The following HMCN2 variants were observed in gnomAD, a reference collection of about 807,000 sequenced individuals.
HMCN2 encodes hemicentin-2.
HMCN2 carries 325 observed loss-of-function variants against 377.5 expected under a neutral mutation model. The ratio of observed to expected loss-of-function variants is 0.86; its 90% CI spans 0.79 to 0.94. HMCN2 has a LOEUF of 0.94. Ranked by LOEUF, HMCN2 falls within the 40% of genes least tolerant of loss-of-function variation. The pLI, the probability that HMCN2 is intolerant of heterozygous loss-of-function variation, is 0.00. For missense variants in HMCN2, 4,543 were observed against 4,725.3 expected, an observed-to-expected ratio of 0.96 and a Z score of 1.13; for synonymous variants, 2,007 against 2,046.8, an observed-to-expected ratio of 0.98 and a Z score of 0.53.
chr9:130,361,980 T>C lies in HMCN2; in HGVS notation c.5951-28T>C. On this transcript the variant is annotated intron_variant, in intron 38 of 97. Coordinates refer to ENST00000683500, the MANE Select transcript of HMCN2 (RefSeq NM_001291815.2). The surrounding 1 kb of genome is among the most constrained non-coding windows in gnomAD (Gnocchi z 4.8). ...TGCTTTGCCCCAGTGGGGCTCAGCC[T>C]GTACCCCATGTCACCCCTGCCCTGC... 1 of 985,956 alleles carries C rather than the reference T, an allele frequency of 1.0e-6. No homozygotes were observed. Among genetic ancestry groups the C allele is most frequent in the Non-Finnish European group, 1.2e-6 (1 of 829,988 alleles). 61.1% of individuals were successfully genotyped at this position (985,956 alleles called of 1,614,324 possible).
Position 130,341,871 on chromosome 9 carries a change from T to A in HMCN2, c.3743-479T>A, listed in dbSNP as rs1350295419. 4.6e-5 allele frequency among the ~76,000 whole-genome samples: 7 copies of A among 152,124 alleles called. No homozygotes were observed. In the East Asian group the frequency reaches 1.4e-3, roughly 29 times the overall value. ...ATCAGTGGTGCTAGCAGTTTCACTATTAGGAATTTAAAACAAGCTTGGGGC... is the reference window on the plus strand; with the variant it reads ...ATCAGTGGTGCTAGCAGTTTCACTAATAGGAATTTAAAACAAGCTTGGGGC... On this transcript the variant is annotated intron_variant, in intron 24 of 97. Coordinates refer to ENST00000683500, the MANE Select transcript of HMCN2 (RefSeq NM_001291815.2).
In HMCN2 at chr9:130,394,904, T is replaced by G; in HGVS notation, c.10693-123T>G. On this transcript the variant is annotated intron_variant, in intron 69 of 97. Transcript: ENST00000683500. The surrounding 1 kb of genome is among the most constrained non-coding windows in gnomAD (Gnocchi z 5.1). ...GAGAGGGCGTGGGTTGGCTGGGAGG[T>G]GGATGGCAGACCTCGCAGGGCTGAG... 2 of 531,658 alleles carry G rather than the reference T, an allele frequency of 3.8e-6. No individual in the cohort carries two copies. The highest frequency in any genetic ancestry group is 6.0e-6 in the Non-Finnish European group (2 of 333,158). 32.9% of individuals were successfully genotyped at this position (531,658 alleles called of 1,614,324 possible). A position where few individuals can be genotyped will look rare whatever the true frequency, so the allele number is the denominator to read the frequency against.
Position 130,369,685 on chromosome 9 carries a change from G to T in HMCN2, c.6903G>T (p.Trp2301Cys). The change falls in exon 45 of 98, where the codon TGG becomes TGT. Residue 2301 changes from tryptophan to cysteine, a missense_variant. Transcript: ENST00000683500. This position sits in a 1 kb window ranked among gnomAD's most constrained non-coding sequence, Gnocchi z 4.5. ...GGAAACCCCCTCCGACAGTGACATG[G>T]GAGCGGGACGGCCAGCCCGTGGGGG... is the stretch of plus-strand genomic sequence containing the variant. ...ATGKPPPTVT[W>C]ERDGQPVGAE... is the part of the protein sequence containing the mutation. 1 of 985,998 alleles carries T rather than the reference G, an allele frequency of 1.0e-6. No homozygotes were observed. Among genetic ancestry groups the T allele is most frequent in the Non-Finnish European group, 1.2e-6 (1 of 830,036 alleles). The allele number at this position is 985,998 out of a possible 1,614,324, so 61.1% of individuals were successfully genotyped here.
In HMCN2 at chr9:130,325,867, C is replaced by T. The variant is rs1288372135; in HGVS notation, c.3090C>T (p.Thr1030=). 2 of 152,324 alleles carry T rather than the reference C, an allele frequency of 1.3e-5. No individual in the cohort carries two copies. Among genetic ancestry groups the T allele is most frequent in the Non-Finnish European group, 2.9e-5 (2 of 68,090 alleles). The allele number at this position is 152,324 out of a possible 1,614,324, so 9.4% of individuals were successfully genotyped here. A position where few individuals can be genotyped will look rare whatever the true frequency, so the allele number is the denominator to read the frequency against. Residue 1030 remains threonine (T), a synonymous_variant, in exon 21 of 98, where the codon ACC becomes ACT. Transcript: ENST00000683500. ...ACTACAATGTGAGTAAGGAGGGCAC[C>T]CTGCTCATCGCCCAGCCGTCTGCCC... ...GPHYNVSKEG[T]LLIAQPSAQD...
chr9:130,299,673 A>G (rs1435412677), intron 8 of HMCN2, among the ~76,000 whole-genome samples: 2 of 149,994 alleles, frequency 1.3e-5, no homozygotes, highest in African/African-American at 4.9e-5. Context: ...CCACCCACCC[A>G]TTCATGCATC....
intron 48 of HMCN2, among the ~76,000 whole-genome samples, chr9:130,373,610 TG>T (rs1841175041): frequency 2.3e-4 from 2 of 8,880 alleles, no homozygotes; most frequent in African/African-American, 6.8e-4. Flanking sequence ...GGTGGGTGGA[TG>T]GATGGATGGA....
At chr9:130,433,294 A>G in intron 97 of HMCN2, 54 bp from the exon 98 acceptor site, 1 of 1,347,288 alleles carries the variant, frequency 7.4e-7, no homozygotes. Context: ...CGGATGGGCC[A>G]CGCTCCGACC....
rs1433244196 is a variant in HMCN2, at chr9:130,302,904, C to G, written c.1324C>G (p.Gln442Glu). 5 of 470,534 alleles carry G rather than the reference C, an allele frequency of 1.1e-5. No individual in the cohort carries two copies. Among genetic ancestry groups the G allele is most frequent in the Admixed American group, 9.4e-5 (4 of 42,558 alleles). The allele number at this position is 470,534 out of a possible 1,614,324, so 29.1% of individuals were successfully genotyped here. The part of the protein sequence containing the change: ...MAPRIHGYLH[Q>E]PLLVSCSVHS... Reference sequence around the variant, plus strand: ...CCCCAGGATCCATGGCTACCTGCACCAGCCCCTGCTGGTCTCCTGCTCGGT... The same window carrying G: ...CCCCAGGATCCATGGCTACCTGCACGAGCCCCTGCTGGTCTCCTGCTCGGT... Residue 442 changes from glutamine (Q) to glutamate (E), a missense_variant, in exon 9 of 98, where the codon CAG becomes GAG. Transcript: ENST00000683500.
chr9:130,343,615 C>T (rs1055076832), intron 25 of HMCN2, among the ~76,000 whole-genome samples: 2 of 152,132 alleles, frequency 1.3e-5, no homozygotes, highest in Admixed American at 1.3e-4. Context: ...AGCCGTTCTG[C>T]GCTTTTGGGA....
At chr9:130,330,816 G>T (rs1294141459) in intron 22 of HMCN2, among the ~76,000 whole-genome samples, 2 of 151,958 alleles carry the variant, frequency 1.3e-5, no homozygotes, top group Admixed American at 1.3e-4. Context: ...TCTGGCCCAC[G>T]TCACTTGCTT....
chr9:130,302,641 ACCAGCTCCT>A (rs1308208514), intron 8 of HMCN2, among the ~76,000 whole-genome samples: 8 of 152,162 alleles, frequency 5.3e-5, no homozygotes, highest in African/African-American at 1.4e-4. Flanking sequence ...ACCACTTCTC[ACCAGCTCCT>A]CCAGCTCCTC....
chr9:130,355,164 TC>T, intron 32 of HMCN2, 120 bp downstream of exon 32: 2 of 820,168 alleles, frequency 2.4e-6, no homozygotes, highest in Non-Finnish European at 3.3e-6. Flanking sequence ...GTAACCAGTG[TC>T]CCCACATTGC....
Position 130,286,325 on chromosome 9 carries a change from G to T in HMCN2, c.612+15G>T. 1 of 470,610 alleles carries T rather than the reference G, an allele frequency of 2.1e-6. No individual in the cohort carries two copies. The allele number at this position is 470,610 out of a possible 1,614,324, so 29.2% of individuals were successfully genotyped here. ...AAGTGACAGAGGTGAGCACTGGGAG[G>T]GGGCACCATCCCGGAGCCCATCACT... On this transcript the variant is annotated intron_variant, in intron 4 of 97. Coordinates refer to ENST00000683500, the MANE Select transcript of HMCN2 (RefSeq NM_001291815.2).
chr9:130,305,054 G>A (rs1836776096), intron 11 of HMCN2, 52 bp downstream of exon 11: 3 of 446,338 alleles, frequency 6.7e-6, no homozygotes, highest in South Asian at 4.8e-5. Context: ...GTGACCTGGT[G>A]TTTACCCCAG....
Position 130,432,673 on chromosome 9 carries a change from C to T in HMCN2, c.14894+118C>T, listed in dbSNP as rs1338234649. ...CACACAAGTGATGCAGGCAGGAACG[C>T]ACGGAGCCCTGGGGGCAGGGAGAGG... is the stretch of plus-strand genomic sequence containing the variant. On this transcript the variant is annotated intron_variant, in intron 97 of 97. Coordinates refer to ENST00000683500, the MANE Select transcript of HMCN2 (RefSeq NM_001291815.2). 2.6e-6 allele frequency: 3 copies of T among 1,174,502 alleles called. No homozygotes were observed. The Admixed American group carries it at 6.5e-5, about 26-fold the overall frequency. 72.8% of individuals were successfully genotyped at this position (1,174,502 alleles called of 1,614,324 possible).
intron 54 of HMCN2, 67 bp from the exon 55 acceptor site, chr9:130,382,117 G>A (rs1399948302): frequency 4.8e-6 from 3 of 630,468 alleles, no homozygotes; most frequent in Non-Finnish European, 5.9e-6. Context: ...AGAGGAGGGG[G>A]CAGCGTCTTT....
chr9:130,355,608 C>G (rs1839984053), intron 32 of HMCN2, 138 bp from the exon 33 acceptor site: 1 of 462,422 alleles, frequency 2.2e-6, no homozygotes, highest in African/African-American at 2.0e-5. Context: ...GGAAGGCCTC[C>G]TGGAGGAAGG....
chr9:130,310,095 C>T (rs1554938520), intron 15 of HMCN2, 34 bp downstream of exon 15: 3 of 494,200 alleles, frequency 6.1e-6, no homozygotes, highest in Non-Finnish European at 4.2e-6. Context: ...CTCCCCTGCC[C>T]ATTCCCCTTT....
At position 130,351,668 on chromosome 9, in the gene HMCN2, T is replaced by G; in HGVS notation, c.4585+91T>G. 1.8e-6 allele frequency: 2 copies of G among 1,110,214 alleles called. No homozygotes were observed. The highest frequency in any genetic ancestry group is 1.6e-5 in the South Asian group (1 of 64,324). 68.8% of individuals were successfully genotyped at this position (1,110,214 alleles called of 1,614,324 possible). On this transcript the variant is annotated intron_variant, in intron 30 of 97. Transcript: ENST00000683500. The surrounding 1 kb of genome is among the most constrained non-coding windows in gnomAD (Gnocchi z 5.4). ...GCTGCCTTAGAGGGAGAGTGAGGGC[T>G]GAAATGGGGGACCTGGTGAGTGATC... is the stretch of plus-strand genomic sequence containing the variant.
Sources: gnomAD v4.1 joint callset for allele counts (sites outside exome capture counted in the v4.1 genomes callset) on GRCh38, gnomAD v4.1.1 for gene constraint, Gnocchi (gnomAD v3.1) non-coding constraint, MANE v1.5 for transcripts, NCBI Gene and HGNC (gene_info 2026-07-23, HGNC 2026-07-21) for gene names.